PARP16: variants seen among roughly 807,000 people sequenced by gnomAD.
PARP16 encodes the protein protein mono-ADP-ribosyltransferase PARP16.
Under a neutral mutation model 35.0 loss-of-function variants are expected in PARP16, and 31 were observed. The observed-to-expected ratio is 0.88, with a 90% CI of 0.66 to 1.19. PARP16 has a LOEUF of 1.19. PARP16 is among the 50% of genes most tolerant of loss of function. The pLI is 0.00. For synonymous variants in PARP16, 162 were observed against 169.5 expected (o/e 0.96, Z 0.34); for missense variants, 424 against 411.2 (o/e 1.03, Z -0.27).
intron 1 of PARP16, among the ~76,000 whole-genome samples, chr15:65,283,436 C>T (rs537516627): frequency 5.9e-5 from 9 of 152,290 alleles, no homozygotes; most frequent in African/African-American, 2.2e-4. Context: ...CTTAGCAGGG[C>T]ATGTGTAGCC....
intron 2 of PARP16, among the ~76,000 whole-genome samples, chr15:65,267,472 TG>T (rs1166778019): frequency 3.3e-5 from 5 of 149,346 alleles, no homozygotes; most frequent in Non-Finnish European, 6.0e-5. Flanking sequence ...CCGGGCGTGG[TG>T]GTGGGCGCCT....
chr15:65,270,970 T>A lies in PARP16; in HGVS notation c.277A>T (p.Lys93Ter). 1 of 1,614,160 alleles carries A rather than the reference T, an allele frequency of 6.2e-7. No homozygotes were observed. The highest frequency in any genetic ancestry group is 8.5e-7 in the Non-Finnish European group (1 of 1,180,018). The change falls in exon 2 of 6, where the codon AAG becomes TAG. Residue 93 changes from lysine to a stop codon, truncating the protein, a stop_gained. Transcript: ENST00000649807. LOFTEE classifies it high-confidence loss of function. ...CCTGCACTGTGGATTGTCAGGACCT[T>A]TGAGGATAAAATCCAGCTCACCAGG... ...WDLVSWILSS[K>*]VLTIHSAGKA...
At chr15:65,235,863 T>G (rs2088867176) in intron 3 of PARP16, among the ~76,000 whole-genome samples, 1 of 119,834 alleles carries the variant, frequency 8.3e-6, no homozygotes, top group African/African-American at 2.8e-5. Context: ...CAGATATGGT[T>G]TTTTTTTTTT....
intron 3 of PARP16, among the ~76,000 whole-genome samples, chr15:65,264,789 A>G (rs140961605): frequency 5.8e-4 from 89 of 152,326 alleles, no homozygotes; most frequent in African/African-American, 2.0e-3. Flanking sequence ...ATCAGTATCA[A>G]CTGGCAGATG....
chr15:65,263,051 G>A lies in PARP16; in HGVS notation c.691+98C>T, dbSNP rs573380756. On this transcript the variant is annotated intron_variant, in intron 4 of 5. Transcript: ENST00000649807. ...CTGCCCTGGATCCAGCCCAACCCTT[G>A]GGCATGCAATGGGTGCTCTACCCAA... 4.0e-4 allele frequency: 450 copies of A among 1,128,072 alleles called. 5 individuals are homozygous for A. The highest frequency in any genetic ancestry group is 3.3e-3 in the South Asian group (234 of 71,500). The allele number at this position is 1,128,072 out of a possible 1,614,324, so 69.9% of individuals were successfully genotyped here.
intron 2 of PARP16, among the ~76,000 whole-genome samples, chr15:65,268,322 G>A (rs1427328071): frequency 6.6e-6 from 1 of 152,178 alleles, no homozygotes; most frequent in Non-Finnish European, 1.5e-5. Context: ...ACAGAGGAAG[G>A]CTTCCAGCAT....
chr15:65,263,419 A>G, intron 3 of PARP16, 99 bp from the exon 4 acceptor site: 1 of 965,074 alleles, frequency 1.0e-6, no homozygotes, highest in Middle Eastern at 2.3e-4. Flanking sequence ...TGTAAACACA[A>G]AATGTACAAC....
At chr15:65,256,044 CAG>C (rs1241763777), downstream of PARP16, among the ~76,000 whole-genome samples, 1 of 152,190 alleles carries the variant, frequency 6.6e-6, no homozygotes, top group African/African-American at 2.4e-5. Context: ...GTAAATCCAA[CAG>C]ACACTTCTCA....
Position 65,247,949 on chromosome 15 carries a change from C to A in PARP16, c.*97+168G>T, listed in dbSNP as rs111425353. On this transcript the variant is annotated intron_variant and NMD_transcript_variant, in intron 3 of 3. Coordinates refer to the PARP16 transcript ENST00000559805. ...CCTCCTGAGTAGCTGGGACTACAGG[C>A]GTCCGCCACCACGCCCGGCTAATTT... 2.0e-5 allele frequency among the ~76,000 whole-genome samples: 3 copies of A among 152,028 alleles called. No homozygotes were observed. The East Asian group carries it at 5.8e-4, about 29-fold the overall frequency.
chr15:65,243,913 A>T (rs1322313520), intron 3 of PARP16, among the ~76,000 whole-genome samples: 1 of 151,800 alleles, frequency 6.6e-6, no homozygotes, highest in Non-Finnish European at 1.5e-5. Context: ...CAGCCCTTCC[A>T]CATGCTGCCT....
intron 1 of PARP16, among the ~76,000 whole-genome samples, chr15:65,284,838 G>C (rs2090535193): frequency 2.1e-5 from 2 of 97,298 alleles, no homozygotes; most frequent in African/African-American, 7.7e-5. Flanking sequence ...TTTTTTTTGA[G>C]AGAGAGACTT....
downstream of PARP16, among the ~76,000 whole-genome samples, chr15:65,231,735 G>A (rs193013017): frequency 8.9e-4 from 136 of 152,002 alleles, no homozygotes; most frequent in African/African-American, 3.2e-3. Context: ...GGTGTGAGCC[G>A]CCATGCTTGG....
Position 65,240,576 on chromosome 15 carries a change from G to A in PARP16, c.*98-5753C>T, listed in dbSNP as rs965138294. Among the ~76,000 whole-genome samples, 15 of 152,114 alleles carry A rather than the reference G, an allele frequency of 9.9e-5. No individual in the cohort carries two copies. The East Asian group carries it at 2.9e-3, about 29-fold the overall frequency. On this transcript the variant is annotated intron_variant and NMD_transcript_variant, in intron 3 of 3. Transcript: ENST00000559805. ...ATTTTGAAATTCATCCATGTTCATT[G>A]TATCAGTATTTTTTTTATTGCTGAG...
downstream of PARP16, among the ~76,000 whole-genome samples, chr15:65,253,132 T>TAA (rs2089402514): frequency 7.8e-6 from 1 of 128,722 alleles, no homozygotes; most frequent in African/African-American, 2.9e-5. Flanking sequence ...AAACTCCGTC[T>TAA]CAAAAAAAAA....
intron 2 of PARP16, among the ~76,000 whole-genome samples, chr15:65,270,422 T>C (rs2090057704): frequency 6.6e-6 from 1 of 152,170 alleles, no homozygotes; most frequent in African/African-American, 2.4e-5. Context: ...GCATGAGGTT[T>C]TCCACTCCTT....
intron 3 of PARP16, among the ~76,000 whole-genome samples, chr15:65,243,390 A>C (rs192873035): frequency 3.3e-5 from 5 of 152,164 alleles, no homozygotes; most frequent in Admixed American, 3.3e-4. Context: ...AGCTGGGACT[A>C]CAGGTATGCA....
intron 5 of PARP16, 134 bp from the exon 6 acceptor site, chr15:65,259,676 C>T (rs771982370): frequency 1.0e-5 from 9 of 864,020 alleles, no homozygotes; most frequent in South Asian, 7.0e-5. Flanking sequence ...AATGAAGCTT[C>T]GTGCTTCCTT....
At chr15:65,268,508 T>C (rs899617477) in intron 2 of PARP16, among the ~76,000 whole-genome samples, 3 of 152,182 alleles carry the variant, frequency 2.0e-5, no homozygotes, top group African/African-American at 7.2e-5. Flanking sequence ...TGCAGTGGTG[T>C]GATCCTAGCT....
At chr15:65,271,258 G>C (rs200642217) in intron 1 of PARP16, among the ~76,000 whole-genome samples, 186 bp from the exon 2 acceptor site, 2 of 151,938 alleles carry the variant, frequency 1.3e-5, no homozygotes, top group East Asian at 3.9e-4. Flanking sequence ...AAATCTGAAA[G>C]GTTTTTTTTT....
Sources: gnomAD v4.1 joint callset for allele counts (sites outside exome capture counted in the v4.1 genomes callset) on GRCh38, gnomAD v4.1.1 for gene constraint, MANE v1.5 for transcripts, NCBI Gene and HGNC (gene_info 2026-07-23, HGNC 2026-07-21) for gene names.